The following ST3GAL1 variants were observed in gnomAD, a reference collection of about 807,000 sequenced individuals.
ST3GAL1 encodes ST3 beta-galactoside alpha-2,3-sialyltransferase 1.
In ST3GAL1, 16 loss-of-function variants were observed where a neutral mutation model predicts 34.1. That is an observed-to-expected ratio of 0.47 (90% CI 0.32 to 0.71). The LOEUF is 0.71. ST3GAL1 is among the 30% of genes least tolerant of loss of function. ST3GAL1 has a pLI of 0.04. For missense variants in ST3GAL1, 353 were observed against 447.4 expected (o/e 0.79, Z 1.90); for synonymous variants, 191 against 184.7 (o/e 1.03, Z -0.28).
At chr8:133,559,937 A>G (rs1819167212) in intron 1 of ST3GAL1, among the ~76,000 whole-genome samples, 1 of 151,784 alleles carries the variant, frequency 6.6e-6, no homozygotes. Flanking sequence ...TCAATTTATA[A>G]CAACAAGCCA....
intron 2 of ST3GAL1, among the ~76,000 whole-genome samples, chr8:133,510,464 C>T (rs1382629835): frequency 6.6e-6 from 1 of 152,160 alleles, no homozygotes; most frequent in African/African-American, 2.4e-5. Context: ...CTGAAGAGAG[C>T]GGGTCCACTA....
rs1816988627 is a variant in ST3GAL1 at position 133,497,455 on chromosome 8, A to ATTTTTTTTTTTTTTTTTTTTTTT, written c.-374+1679_-374+1680insAAAAAAAAAAAAAAAAAAAAAAA. Among the ~76,000 whole-genome samples the ATTTTTTTTTTTTTTTTTTTTTTT allele has an allele frequency of 2.9e-4, 29 of 101,242 alleles. 13 individuals are homozygous for ATTTTTTTTTTTTTTTTTTTTTTT. Among genetic ancestry groups the ATTTTTTTTTTTTTTTTTTTTTTT allele is most frequent in the Admixed American group, 3.6e-4 (3 of 8,354 alleles). 66.4% of individuals were successfully genotyped at this position (101,242 alleles called of 152,430 possible). ...CTTCTCTCCCATGCAATTTTGTTGG[A>ATTTTTTTTTTTTTTTTTTTTTTT]ATTTTTTTTTTTTTTTTTTTTTTTT... On this transcript the variant is annotated intron_variant, in intron 3 of 9. Coordinates refer to ENST00000522652, the MANE Select transcript of ST3GAL1 (RefSeq NM_173344.3).
intron 5 of ST3GAL1, among the ~76,000 whole-genome samples, chr8:133,472,857 A>G (rs1353932521): frequency 7.0e-6 from 1 of 143,530 alleles, no homozygotes; most frequent in African/African-American, 2.8e-5. Context: ...TTAGTACTGA[A>G]AAAAAAAAAA....
chr8:133,566,612 C>A (rs974756612), intron 1 of ST3GAL1, among the ~76,000 whole-genome samples: 9 of 152,166 alleles, frequency 5.9e-5, no homozygotes, highest in Non-Finnish European at 1.2e-4. Flanking sequence ...CTCACTCAGC[C>A]GGCCTGGATA....
intron 2 of ST3GAL1, among the ~76,000 whole-genome samples, chr8:133,540,970 T>TATATATAGACATATATATAGAC (rs1818487206): frequency 3.1e-5 from 4 of 128,200 alleles, no homozygotes; most frequent in Non-Finnish European, 4.9e-5. Context: ...TATATAGACA[T>TATATATAGACATATATATAGAC]ATATATGCAG....
chr8:133,552,569 C>A (rs965578351), intron 1 of ST3GAL1, among the ~76,000 whole-genome samples: 3 of 152,178 alleles, frequency 2.0e-5, no homozygotes, highest in Admixed American at 2.0e-4. Context: ...CCTTTGGGTG[C>A]GGTGGCATCT....
At chr8:133,497,486 T>TG (rs1816995380) in intron 3 of ST3GAL1, among the ~76,000 whole-genome samples, 1 of 118,216 alleles carries the variant, frequency 8.5e-6, no homozygotes, top group African/African-American at 3.5e-5. Flanking sequence ...TTTTTTTTTT[T>TG]GTGAGACGGA....
At chr8:133,535,819 T>C (rs940754903) in intron 2 of ST3GAL1, among the ~76,000 whole-genome samples, 4 of 152,338 alleles carry the variant, frequency 2.6e-5, no homozygotes, top group Admixed American at 2.0e-4. Flanking sequence ...AATTAAGATA[T>C]GTACATTGTT....
At chr8:133,549,779 G>A (rs1214323360) in intron 1 of ST3GAL1, among the ~76,000 whole-genome samples, 1 of 152,008 alleles carries the variant, frequency 6.6e-6, no homozygotes, top group Non-Finnish European at 1.5e-5. Context: ...CCTGACCAAC[G>A]TGGAGAAACC....
intron 2 of ST3GAL1, among the ~76,000 whole-genome samples, chr8:133,534,510 G>T (rs1396323330): frequency 1.3e-5 from 2 of 152,168 alleles, no homozygotes; most frequent in African/African-American, 4.8e-5. Flanking sequence ...TTTTGGCAGG[G>T]TGTGTTTGCC....
At chr8:133,475,460 A>G (rs1364002875) in intron 5 of ST3GAL1, among the ~76,000 whole-genome samples, 1 of 152,196 alleles carries the variant, frequency 6.6e-6, no homozygotes, top group East Asian at 1.9e-4. Context: ...ACTTAGATAT[A>G]ATAGATCCTC....
intron 1 of ST3GAL1, among the ~76,000 whole-genome samples, chr8:133,548,917 G>A (rs2131080425): frequency 6.6e-6 from 1 of 152,328 alleles, no homozygotes; most frequent in South Asian, 2.1e-4. Flanking sequence ...ATAAATGGGT[G>A]AACAGCCAGA....
chr8:133,490,423 T>C (rs10956707), intron 3 of ST3GAL1, among the ~76,000 whole-genome samples: 138,868 of 152,284 alleles, frequency 0.91, 63,457 homozygotes, highest in East Asian at 1. Context: ...CTCCAGGATC[T>C]AGCCCAGGGC....
At chr8:133,505,532 G>A (rs942275150) in intron 2 of ST3GAL1, among the ~76,000 whole-genome samples, 4 of 152,134 alleles carry the variant, frequency 2.6e-5, no homozygotes, top group Non-Finnish European at 5.9e-5. Flanking sequence ...TTGCAAATAG[G>A]TTGACATCTC....
Position 133,465,807 on chromosome 8 carries a change from T to C in ST3GAL1, c.503+87A>G, listed in dbSNP as rs1815707818. The C allele has an allele frequency of 1.8e-5, 27 of 1,479,386 alleles. No homozygotes were observed. The South Asian group carries it at 3.1e-4, about 17-fold the overall frequency. The allele number at this position is 1,479,386 out of a possible 1,614,324, so 91.6% of individuals were successfully genotyped here. A position where few individuals can be genotyped will look rare whatever the true frequency, so the allele number is the denominator to read the frequency against. The stretch of plus-strand genomic sequence containing the variant: ...TCAGTCCCAGGACTGAACCTTGCCT[T>C]CCTGAGCCTGAGCCAAGATGCTTCC... On this transcript the variant is annotated intron_variant, in intron 6 of 9. Transcript: ENST00000522652.
At chr8:133,503,568 A>G (rs567755259) in intron 2 of ST3GAL1, among the ~76,000 whole-genome samples, 5 of 151,422 alleles carry the variant, frequency 3.3e-5, no homozygotes, top group Admixed American at 6.6e-5. Flanking sequence ...ACTCCACCCT[A>G]GCTGGGCCAA....
At chr8:133,528,843 G>A (rs904039583) in intron 2 of ST3GAL1, among the ~76,000 whole-genome samples, 3 of 152,216 alleles carry the variant, frequency 2.0e-5, no homozygotes, top group African/African-American at 4.8e-5. Context: ...CTTTGCATTC[G>A]CAGTCCAATG....
intron 1 of ST3GAL1, among the ~76,000 whole-genome samples, chr8:133,563,332 T>C (rs1232193767): frequency 6.6e-6 from 1 of 152,232 alleles, no homozygotes; most frequent in Non-Finnish European, 1.5e-5. Context: ...TTCTGAATTA[T>C]TGCAAGTAAT....
chr8:133,525,216 T>A (rs931024060), intron 2 of ST3GAL1, among the ~76,000 whole-genome samples: 3 of 152,152 alleles, frequency 2.0e-5, no homozygotes, highest in African/African-American at 7.2e-5. Context: ...TCCCAGTGAA[T>A]GTCAAGCTTT....
Sources: gnomAD v4.1 joint callset for allele counts (sites outside exome capture counted in the v4.1 genomes callset) on GRCh38, gnomAD v4.1.1 for gene constraint, MANE v1.5 for transcripts, NCBI Gene and HGNC (gene_info 2026-07-23, HGNC 2026-07-21) for gene names.